The following FAM135A variants were observed in gnomAD, a reference collection of about 807,000 sequenced individuals.
FAM135A encodes family with sequence similarity 135 member A.
Under a neutral mutation model 146.8 loss-of-function variants are expected in FAM135A, and 79 were observed. That is an observed-to-expected ratio of 0.54 (90% CI 0.45 to 0.65). The LOEUF (loss-of-function observed/expected upper bound fraction) is 0.65. FAM135A is among the 30% of genes least tolerant of loss of function. The pLI is 0.00. For missense variants in FAM135A, 1,623 were observed against 1,758.2 expected, an observed-to-expected ratio of 0.92 and a Z score of 1.38; for synonymous variants, 562 against 603.6, an observed-to-expected ratio of 0.93 and a Z score of 1.01.
chr6:70,516,525 C>CTTTT (rs1792256594), intron 12 of FAM135A, among the ~76,000 whole-genome samples: 1 of 127,114 alleles, frequency 7.9e-6, no homozygotes. Context: ...ATAGTATTTT[C>CTTTT]TTTTCTTTTT....
rs61741595 is a variant in FAM135A, at chr6:70,525,660, T to C, written c.2576T>C (p.Val859Ala). ...LSPDENSKKS[V>A]VPECHLNDSK... Reference sequence around the variant, plus strand: ...CCTGATGAAAATTCTAAGAAATCTGTTGTACCTGAATGCCATCTAAATGAT... The same window carrying C: ...CCTGATGAAAATTCTAAGAAATCTGCTGTACCTGAATGCCATCTAAATGAT... Residue 859 changes from valine (V) to alanine (A), a missense_variant, in exon 15 of 22, where the codon GTT (valine) becomes GCT (alanine). Physicochemically the swap from Val to Ala is moderately conservative, Grantham distance 64. Coordinates refer to ENST00000418814, the MANE Select transcript of FAM135A (RefSeq NM_001162529.3). The C allele has an allele frequency of 2.6e-4, 421 of 1,612,724 alleles. No homozygotes were observed. In the African/African-American group the frequency reaches 4.8e-3, roughly 18 times the overall value.
intron 4 of FAM135A, among the ~76,000 whole-genome samples, chr6:70,429,814 A>G (rs955007449): frequency 1.3e-5 from 2 of 152,170 alleles, no homozygotes; most frequent in African/African-American, 4.8e-5. Context: ...GAGGCACTTG[A>G]TAGTAACTCA....
Position 70,491,033 on chromosome 6 carries a change from G to T in FAM135A, c.824-1G>T. ...TTTCCTCTACTCTTTACTCCTTCCA[G>T]AGGAAATGGATGTAGAAGCTCGACT... On this transcript the variant is annotated splice_acceptor_variant, in intron 10 of 21. Transcript: ENST00000418814. LOFTEE classifies it high-confidence loss of function. The T allele has an allele frequency of 1.3e-6, 2 of 1,596,176 alleles. No individual in the cohort carries two copies.
At chr6:70,455,014 C>G (rs1778008367) in intron 5 of FAM135A, among the ~76,000 whole-genome samples, 1 of 152,068 alleles carries the variant, frequency 6.6e-6, no homozygotes, top group South Asian at 2.1e-4. Context: ...TATAAATTAC[C>G]TTGGGCAGTA....
rs890141042 is a variant in FAM135A at position 70,534,090 on chromosome 6, A to T, written c.3965+236A>T. On this transcript the variant is annotated intron_variant, in intron 18 of 21. Transcript: ENST00000418814. ...TGCTTAGAGCTGGGGAAGATGGGGG[A>T]TGGTGGGGATAACTACAGGATATAG... is the stretch of plus-strand genomic sequence containing the variant. Among the ~76,000 whole-genome samples, 4 of 151,912 alleles carry T rather than the reference A, an allele frequency of 2.6e-5. No homozygotes were observed. The East Asian group carries it at 7.7e-4, about 29-fold the overall frequency.
At chr6:70,455,490 T>C (rs1036864675) in intron 5 of FAM135A, among the ~76,000 whole-genome samples, 8 of 152,176 alleles carry the variant, frequency 5.3e-5, no homozygotes, top group Non-Finnish European at 1.0e-4. Context: ...AAAAAGAATT[T>C]ATTCTTCGCT....
intron 4 of FAM135A, among the ~76,000 whole-genome samples, chr6:70,432,994 A>G (rs1346162150): frequency 6.6e-6 from 1 of 152,126 alleles, no homozygotes; most frequent in Non-Finnish European, 1.5e-5. Flanking sequence ...TAAATGGTAT[A>G]AGTAATTTAA....
At chr6:70,494,455 A>G (rs552623408) in intron 11 of FAM135A, among the ~76,000 whole-genome samples, 5 of 152,078 alleles carry the variant, frequency 3.3e-5, no homozygotes, top group Non-Finnish European at 7.4e-5. Context: ...TTGAATGGCC[A>G]CTGCACTCCA....
intron 5 of FAM135A, among the ~76,000 whole-genome samples, chr6:70,470,541 G>A (rs1474147443): frequency 6.6e-6 from 1 of 152,166 alleles, no homozygotes; most frequent in Non-Finnish European, 1.5e-5. Flanking sequence ...ATTTTTACTA[G>A]AGACAGGATT....
At chr6:70,433,077 CTT>C (rs745785728) in intron 4 of FAM135A, among the ~76,000 whole-genome samples, 25 of 139,186 alleles carry the variant, frequency 1.8e-4, no homozygotes, top group Admixed American at 2.9e-4. Flanking sequence ...AATCAAGATA[CTT>C]TTTTTTTTTT....
rs1032062949 is a variant in FAM135A, at chr6:70,549,766, C to T, written c.4229-6984C>T. Among the ~76,000 whole-genome samples, 9 of 152,142 alleles carry T rather than the reference C, an allele frequency of 5.9e-5. No individual in the cohort carries two copies. In the South Asian group the frequency reaches 6.2e-4, roughly 11 times the overall value. ...ATGGCAATTTCTTAAATTACAACAACGAGGTTTGCTGTATTATTGACTCTT... is the reference window on the plus strand; with the variant it reads ...ATGGCAATTTCTTAAATTACAACAATGAGGTTTGCTGTATTATTGACTCTT... On this transcript the variant is annotated intron_variant, in intron 20 of 21. Coordinates refer to ENST00000418814, the MANE Select transcript of FAM135A (RefSeq NM_001162529.3).
intron 5 of FAM135A, among the ~76,000 whole-genome samples, chr6:70,464,858 T>C (rs1780141424): frequency 7.4e-6 from 1 of 134,896 alleles, no homozygotes; most frequent in African/African-American, 3.2e-5. Flanking sequence ...TTTTTTTTTT[T>C]TTTTCAGTAG....
intron 4 of FAM135A, among the ~76,000 whole-genome samples, chr6:70,432,788 C>T (rs960185846): frequency 3.3e-5 from 5 of 151,204 alleles, no homozygotes; most frequent in Admixed American, 6.6e-5. Flanking sequence ...AGGAAGACAT[C>T]GACTTTTTTT....
intron 16 of FAM135A, among the ~76,000 whole-genome samples, chr6:70,529,923 GC>G (rs1159358847): frequency 6.6e-6 from 1 of 152,106 alleles, no homozygotes; most frequent in Admixed American, 6.5e-5. Context: ...AATTAGCTGG[GC>G]GTGGTGGCGG....
At chr6:70,454,165 A>C (rs1582228622) in intron 5 of FAM135A, among the ~76,000 whole-genome samples, 1 of 152,196 alleles carries the variant, frequency 6.6e-6, no homozygotes, top group East Asian at 1.9e-4. Context: ...AGTGATGATG[A>C]GCATTTTTTC....
intron 12 of FAM135A, among the ~76,000 whole-genome samples, chr6:70,515,635 G>A (rs74703694): frequency 6.6e-6 from 1 of 152,278 alleles, no homozygotes; most frequent in East Asian, 1.9e-4. Context: ...GTAGAGCACA[G>A]GGGATTTGGG....
At chr6:70,542,265 C>CAT (rs1166225776) in intron 20 of FAM135A, among the ~76,000 whole-genome samples, 1 of 151,814 alleles carries the variant, frequency 6.6e-6, no homozygotes, top group Non-Finnish European at 1.5e-5. Flanking sequence ...CACACACACA[C>CAT]ACACACACAC....
At chr6:70,490,719 A>T (rs986817301) in intron 10 of FAM135A, among the ~76,000 whole-genome samples, 1 of 152,080 alleles carries the variant, frequency 6.6e-6, no homozygotes, top group African/African-American at 2.4e-5. Context: ...ATAAAATATG[A>T]AATACAGTAA....
intron 11 of FAM135A, among the ~76,000 whole-genome samples, chr6:70,499,343 C>T (rs1787996468): frequency 6.6e-6 from 1 of 152,110 alleles, no homozygotes; most frequent in Admixed American, 6.6e-5. Context: ...GGTAAATATT[C>T]CTCCATCCCT....
Sources: allele counts gnomAD v4.1 joint callset (sites outside exome capture counted in the v4.1 genomes callset), GRCh38; gene constraint gnomAD v4.1.1; transcripts MANE v1.5; gene names NCBI Gene and HGNC (gene_info 2026-07-23, HGNC 2026-07-21).